The following NFATC2IP variants were observed in gnomAD, a reference collection of about 807,000 sequenced individuals.
The protein encoded by NFATC2IP is NFATC2-interacting protein.
NFATC2IP carries 25 observed loss-of-function variants against 40.2 expected under a neutral mutation model. The ratio of observed to expected loss-of-function variants is 0.62; its 90% confidence interval spans 0.45 to 0.87. The LOEUF (loss-of-function observed/expected upper bound fraction) is 0.87. Ranked by LOEUF, NFATC2IP falls within the 40% of genes least tolerant of loss-of-function variation. The probability of loss-of-function intolerance (pLI) is 0.00; values close to 1 mark genes in which losing one functional copy is unlikely to be tolerated. For synonymous variants in NFATC2IP, 241 were observed against 236.3 expected, an observed-to-expected ratio of 1.02 and a Z score of -0.18; for missense variants, 553 against 555.6, an observed-to-expected ratio of 1.00 and a Z score of 0.05.
Position 28,952,203 on chromosome 16 carries a change from A to G in NFATC2IP, c.459A>G (p.Glu153=). The part of the protein sequence containing the change: ...LLKLYPPGDE[E]EAELADSSGL... ...AACTCTACCCTCCAGGGGATGAGGAAGGTAAGGGAGGGCCTCCAGGGAGAG... is the reference window on the plus strand; with the variant it reads ...AACTCTACCCTCCAGGGGATGAGGAGGGTAAGGGAGGGCCTCCAGGGAGAG... Residue 153 remains glutamate, a splice_region_variant and synonymous_variant, in exon 2 of 8, where the codon GAA becomes GAG. Transcript: ENST00000320805. The G allele has an allele frequency of 3.7e-6, 6 of 1,613,324 alleles. No individual in the cohort carries two copies. The highest frequency in any genetic ancestry group is 5.1e-6 in the Non-Finnish European group (6 of 1,179,544).
chr16:28,959,630 TG>T, intron 7 of NFATC2IP, among the ~76,000 whole-genome samples: 1 of 147,990 alleles, frequency 6.8e-6, no homozygotes, highest in South Asian at 2.2e-4. Flanking sequence ...GGCTGAAGTC[TG>T]GCATGATCTT....
chr16:28,951,525 G>T (rs1200929539), intron 1 of NFATC2IP, 127 bp downstream of exon 1: 3 of 971,054 alleles, frequency 3.1e-6, no homozygotes, highest in Non-Finnish European at 4.1e-6. Flanking sequence ...TGGTCCTCGG[G>T]CGTTAGGGTG....
chr16:28,957,879 C>G (rs1965038961), intron 5 of NFATC2IP: 1 of 152,118 alleles, frequency 6.6e-6, no homozygotes, highest in African/African-American at 2.4e-5. Context: ...CGCCTGTAAT[C>G]CCAGCACTTT....
rs1431651973 is a variant in NFATC2IP at position 28,963,862 on chromosome 16, G to A, written c.1259G>A (p.Ter420=). The A allele has an allele frequency of 8.1e-6, 13 of 1,614,006 alleles. No homozygotes were observed. Among genetic ancestry groups the A allele is most frequent in the Non-Finnish European group, 1.0e-5 (12 of 1,179,882 alleles). Residue 420 remains the stop codon, a stop_retained_variant, in exon 8 of 8, where the codon TGA becomes TAA. Coordinates refer to ENST00000320805, the MANE Select transcript of NFATC2IP (RefSeq NM_032815.4). ...ESGDLIEVWG[*] ...GGGGACCTCATTGAGGTCTGGGGCT[G>A]ACACCCCACTCCCTGTTTGACGGCC...
rs1021331677 is a variant in NFATC2IP, at chr16:28,964,807, C to A, written c.*944C>A. 9 of 152,246 alleles carry A rather than the reference C, an allele frequency of 5.9e-5. No homozygotes were observed. The highest frequency in any genetic ancestry group is 1.2e-4 in the Non-Finnish European group (8 of 68,052). The allele number at this position is 152,246 out of a possible 1,614,324, so 9.4% of individuals were successfully genotyped here. On this transcript the variant is annotated 3_prime_UTR_variant, in exon 8 of 8. Coordinates refer to ENST00000320805, the MANE Select transcript of NFATC2IP (RefSeq NM_032815.4). ...AGAAATGCAGTATTGCTTTGACCTGCCATGTGGCACTCCACAATGTCAATT... is the reference window on the plus strand; with the variant it reads ...AGAAATGCAGTATTGCTTTGACCTGACATGTGGCACTCCACAATGTCAATT...
rs1450052232 is a variant in NFATC2IP at position 28,956,157 on chromosome 16, G to A, written c.666G>A (p.Val222=). 2 of 1,614,076 alleles carry A rather than the reference G, an allele frequency of 1.2e-6. No homozygotes were observed. The highest frequency in any genetic ancestry group is 1.7e-6 in the Non-Finnish European group (2 of 1,179,996). The part of the protein sequence containing the change: ...HTRALKKLSE[V]NKRLQDLRSC... ...AGTCCTGTCTGCACTGCAGTGAGGT[G>A]AACAAGCGCCTCCAGGATCTCCGTT... Residue 222 remains valine, a synonymous_variant, in exon 5 of 8, where the codon GTG becomes GTA. Coordinates refer to ENST00000320805, the MANE Select transcript of NFATC2IP (RefSeq NM_032815.4).
rs1418413650 is a variant in NFATC2IP at position 28,966,204 on chromosome 16, C to T, written c.*2341C>T. The T allele has an allele frequency of 6.6e-6, 1 of 152,260 alleles. No individual in the cohort carries two copies. The highest frequency in any genetic ancestry group is 1.5e-5 in the Non-Finnish European group (1 of 68,048). The allele number at this position is 152,260 out of a possible 1,614,324, so 9.4% of individuals were successfully genotyped here. The stretch of plus-strand genomic sequence containing the variant: ...TCAGCTTTTCCTTTCATATTGAGAA[C>T]ACTACACAGTGCTGAAGTCCAGCTG... On this transcript the variant is annotated 3_prime_UTR_variant, in exon 8 of 8. Transcript: ENST00000320805.
In NFATC2IP at chr16:28,951,167, C is replaced by T. The variant is rs542726292; in HGVS notation, c.156C>T (p.Thr52=). The T allele has an allele frequency of 8.4e-6, 13 of 1,543,536 alleles. No individual in the cohort carries two copies. In the Admixed American group the frequency reaches 9.9e-5, roughly 12 times the overall value. The change falls in exon 1 of 8, where the codon ACC becomes ACT. Residue 52 remains threonine, a synonymous_variant. Transcript: ENST00000320805. ...ACGTAGTGTCTGTGGACTTGGTCAC[C>T]GACAGCGATGAGGAAATTCTGGAGG... ...TLDVVSVDLV[T]DSDEEILEVA...
At chr16:28,959,141 C>T in intron 7 of NFATC2IP, 41 bp downstream of exon 7, 5 of 1,205,714 alleles carry the variant, frequency 4.1e-6, no homozygotes, top group Non-Finnish European at 6.2e-6. Flanking sequence ...TCACCCTGTC[C>T]TCTGCTGCCT....
chr16:28,954,146 A>G (rs1212560482), intron 2 of NFATC2IP, among the ~76,000 whole-genome samples: 1 of 152,076 alleles, frequency 6.6e-6, no homozygotes, highest in African/African-American at 2.4e-5. Context: ...TTGATAACCA[A>G]TATTGTCTCT....
chr16:28,955,417 C>A (rs1299789069), intron 3 of NFATC2IP, among the ~76,000 whole-genome samples: 1 of 151,914 alleles, frequency 6.6e-6, no homozygotes, highest in Non-Finnish European at 1.5e-5. Context: ...AAGTGCTTGC[C>A]GTCTGTCGGA....
At chr16:28,963,641 T>C (rs1965112430) in intron 7 of NFATC2IP, 64 bp from the exon 8 acceptor site, 1 of 1,473,252 alleles carries the variant, frequency 6.8e-7, no homozygotes, top group South Asian at 1.2e-5. Flanking sequence ...GTTCCTCGTC[T>C]ATCCCTACGG....
At position 28,956,328 on chromosome 16, in the gene NFATC2IP, C is replaced by A; in HGVS notation, c.837C>A (p.Pro279=). Reference sequence around the variant, plus strand: ...GCCGGGCTGACCTGGTCAGATTGCCCCTCAGGATGGTGAGTGCCTGAGGCC... The same window carrying A: ...GCCGGGCTGACCTGGTCAGATTGCCACTCAGGATGGTGAGTGCCTGAGGCC... ...IRCRADLVRL[P]LRMSEPLQSV... Residue 279 remains proline (P), a synonymous_variant, in exon 5 of 8, where the codon CCC becomes CCA. Coordinates refer to ENST00000320805, the MANE Select transcript of NFATC2IP (RefSeq NM_032815.4). 1 of 1,613,470 alleles carries A rather than the reference C, an allele frequency of 6.2e-7. No homozygotes were observed. Among genetic ancestry groups the A allele is most frequent in the East Asian group, 2.2e-5 (1 of 44,862 alleles).
At position 28,964,203 on chromosome 16, in the gene NFATC2IP, A is replaced by G. The variant is rs181968292; in HGVS notation, c.*340A>G. 48 of 238,784 alleles carry G rather than the reference A, an allele frequency of 2.0e-4. No homozygotes were observed. Among genetic ancestry groups the G allele is most frequent in the African/African-American group, 8.6e-4 (39 of 45,422 alleles). 14.8% of individuals were successfully genotyped at this position (238,784 alleles called of 1,614,324 possible). A position where few individuals can be genotyped will look rare whatever the true frequency, so the allele number is the denominator to read the frequency against. Reference sequence around the variant, plus strand: ...GTCTGCTTTATGAAACTATGCACATATTGAAAGTGAGTTGAAACAAATGAG... The same window carrying G: ...GTCTGCTTTATGAAACTATGCACATGTTGAAAGTGAGTTGAAACAAATGAG... On this transcript the variant is annotated 3_prime_UTR_variant, in exon 8 of 8. Transcript: ENST00000320805.
intron 2 of NFATC2IP, 70 bp from the exon 3 acceptor site, chr16:28,954,495 T>A (rs941673668): frequency 2.0e-6 from 2 of 1,011,136 alleles, no homozygotes; most frequent in African/African-American, 3.2e-5. Context: ...AGCCTCTGAC[T>A]TGTTTCTTCT....
In NFATC2IP at chr16:28,964,214, G is replaced by A. The variant is rs751420512; in HGVS notation, c.*351G>A. 4.6e-6 allele frequency: 1 copy of A among 218,830 alleles called. No individual in the cohort carries two copies. The highest frequency in any genetic ancestry group is 9.3e-6 in the Non-Finnish European group (1 of 107,108). The allele number at this position is 218,830 out of a possible 1,614,324, so 13.6% of individuals were successfully genotyped here. ...GAAACTATGCACATATTGAAAGTGA[G>A]TTGAAACAAATGAGGGTTGGGTAGG... On this transcript the variant is annotated 3_prime_UTR_variant, in exon 8 of 8. Transcript: ENST00000320805.
rs1382978657 is a variant in NFATC2IP, at chr16:28,951,057, G to A, written c.46G>A (p.Gly16Ser). ...GKRGRWSGGS[G>S]AGRGGRGGWG... ...GCGGGGCCGCTGGTCCGGAGGTAGC[G>A]GTGCCGGCCGAGGGGGTCGGGGCGG... The change falls in exon 1 of 8, where the codon GGT becomes AGT. Residue 16 changes from glycine to serine, a missense_variant. Coordinates refer to ENST00000320805, the MANE Select transcript of NFATC2IP (RefSeq NM_032815.4). 2.6e-6 allele frequency: 4 copies of A among 1,540,218 alleles called. No individual in the cohort carries two copies. The Admixed American group carries it at 8.1e-5, about 31-fold the overall frequency.
chr16:28,955,460 C>G (rs1965010207), intron 3 of NFATC2IP, among the ~76,000 whole-genome samples: 1 of 152,074 alleles, frequency 6.6e-6, no homozygotes, highest in Non-Finnish European at 1.5e-5. Flanking sequence ...AAGTGACAGT[C>G]TCAAAAATGA....
intron 5 of NFATC2IP, chr16:28,958,511 C>T: frequency 1.9e-6 from 1 of 526,552 alleles, no homozygotes. Context: ...TTGTTCTAAC[C>T]CATGGCTGCT....
Sources: allele counts gnomAD v4.1 joint callset (sites outside exome capture counted in the v4.1 genomes callset), GRCh38; gene constraint gnomAD v4.1.1; transcripts MANE v1.5; gene names NCBI Gene and HGNC (gene_info 2026-07-23, HGNC 2026-07-21).